The following MARCHF3 variants were observed in gnomAD, a reference collection of about 807,000 sequenced individuals.
MARCHF3 encodes the protein E3 ubiquitin-protein ligase MARCHF3.
MARCHF3 carries 13 observed loss-of-function variants against 24.2 expected under a neutral mutation model. That is an observed-to-expected ratio of 0.54 (90% CI 0.35 to 0.85). The LOEUF is 0.85. Ranked by LOEUF, MARCHF3 falls within the 40% of genes least tolerant of loss-of-function variation. The pLI is 0.01. For missense variants in MARCHF3, 276 were observed against 325.0 expected (o/e 0.85, Z 1.16); for synonymous variants, 144 against 137.3 (o/e 1.05, Z -0.34).
At chr5:126,933,417 T>C (rs1335453653) in intron 1 of MARCHF3, among the ~76,000 whole-genome samples, 1 of 152,006 alleles carries the variant, frequency 6.6e-6, no homozygotes, top group Non-Finnish European at 1.5e-5. Context: ...AATTTTCCGC[T>C]GTATGCCTGT....
chr5:126,926,111 T>G (rs1216034776), intron 1 of MARCHF3, among the ~76,000 whole-genome samples: 1 of 152,252 alleles, frequency 6.6e-6, no homozygotes. Context: ...TTCCAAGTTG[T>G]ACCTCACTTT....
At chr5:126,924,860 TG>T (rs1231993537) in intron 1 of MARCHF3, among the ~76,000 whole-genome samples, 2 of 152,218 alleles carry the variant, frequency 1.3e-5, no homozygotes, top group African/African-American at 4.8e-5. Flanking sequence ...TAAATAGCCG[TG>T]GCAGGGCTGT....
At chr5:126,941,365 C>A (rs1749820601) in intron 1 of MARCHF3, among the ~76,000 whole-genome samples, 1 of 151,590 alleles carries the variant, frequency 6.6e-6, no homozygotes. Flanking sequence ...ATTAGAAGTT[C>A]AAGCCTATTT....
intron 3 of MARCHF3, among the ~76,000 whole-genome samples, chr5:126,908,399 A>C (rs1321088535): frequency 6.6e-6 from 1 of 152,136 alleles, no homozygotes; most frequent in East Asian, 1.9e-4. Context: ...TCTCCTGGAT[A>C]ATATCCTGCA....
At chr5:126,973,879 A>ATTTTTTTTTTTTTTT (rs10585434) in intron 1 of MARCHF3, among the ~76,000 whole-genome samples, 3 of 82,974 alleles carry the variant, frequency 3.6e-5, no homozygotes, top group African/African-American at 4.9e-5. Flanking sequence ...AGCAAAATCT[A>ATTTTTTTTTTTTTTT]TTTTTTTTTT....
rs777979337 is a variant in MARCHF3, at chr5:126,918,027, C to T, written c.145G>A (p.Gly49Arg). 23 of 1,613,962 alleles carry T rather than the reference C, an allele frequency of 1.4e-5. No homozygotes were observed. The highest frequency in any genetic ancestry group is 2.7e-5 in the African/African-American group (2 of 74,884). The stretch of plus-strand genomic sequence containing the variant: ...CGCACTACTGTTGACAGCAGCTGCC[C>T]GTCCTTGGCTGAAACTTGCATGACA... Reference protein sequence around the residue: ...QYVMQVSAKDGQLLSTVVRTL... With the variant: ...QYVMQVSAKDRQLLSTVVRTL... The change falls in exon 2 of 5, where the codon GGG becomes AGG. Residue 49 changes from glycine (G) to arginine (R), a missense_variant. Physicochemically the swap from Gly to Arg is moderately radical, Grantham distance 125. Coordinates refer to ENST00000308660, the MANE Select transcript of MARCHF3 (RefSeq NM_178450.5).
At chr5:126,909,592 G>C (rs1013181228) in intron 3 of MARCHF3, among the ~76,000 whole-genome samples, 1 of 152,146 alleles carries the variant, frequency 6.6e-6, no homozygotes, top group African/African-American at 2.4e-5. Context: ...TCCAGGTGTC[G>C]TCTGTCACCA....
At chr5:126,898,964 T>C in intron 3 of MARCHF3, 1 of 985,160 alleles carries the variant, frequency 1.0e-6, no homozygotes, top group Non-Finnish European at 1.2e-6. Context: ...CTTTTTTTTT[T>C]AGTATCCAAA....
intron 4 of MARCHF3, among the ~76,000 whole-genome samples, chr5:126,874,750 A>C (rs544489352): frequency 6.6e-6 from 1 of 152,088 alleles, no homozygotes; most frequent in African/African-American, 2.4e-5. Flanking sequence ...TCTATCTCTG[A>C]CTGCACTGGG....
rs182080149 is a variant in MARCHF3 at position 126,946,596 on chromosome 5, C to T, written c.-56-28369G>A. On this transcript the variant is annotated intron_variant, in intron 1 of 4. Transcript: ENST00000308660. Reference sequence around the variant, plus strand: ...AGAAGGGGTCCTACCCCACCAGGAACTGGGAATGTCTCAGGCAGTTAGTCC... The same window carrying T: ...AGAAGGGGTCCTACCCCACCAGGAATTGGGAATGTCTCAGGCAGTTAGTCC... Among the ~76,000 whole-genome samples, 242 of 152,142 alleles carry T rather than the reference C, an allele frequency of 1.6e-3. 1 individual carries two copies. Among genetic ancestry groups the T allele is most frequent in the Middle Eastern group, 0.014 (4 of 294 alleles).
intron 1 of MARCHF3, among the ~76,000 whole-genome samples, chr5:127,023,662 T>C (rs111834274): frequency 0.063 from 9,489 of 151,274 alleles, 583 homozygotes; most frequent in African/African-American, 0.15. Flanking sequence ...AACCAGGAGG[T>C]GGAGGTTGCA....
At chr5:127,004,397 T>C (rs545672579) in intron 1 of MARCHF3, among the ~76,000 whole-genome samples, 4 of 152,320 alleles carry the variant, frequency 2.6e-5, no homozygotes, top group African/African-American at 9.6e-5. Flanking sequence ...CCGTATCACC[T>C]TCAGGAATAT....
chr5:127,002,717 C>A (rs1234660326), intron 1 of MARCHF3, among the ~76,000 whole-genome samples: 1 of 152,218 alleles, frequency 6.6e-6, no homozygotes, highest in Non-Finnish European at 1.5e-5. Flanking sequence ...TCTGGTGAAA[C>A]AATATCACTG....
intron 1 of MARCHF3, among the ~76,000 whole-genome samples, chr5:127,001,169 T>C (rs1442340003): frequency 2.0e-5 from 3 of 151,216 alleles, no homozygotes; most frequent in Non-Finnish European, 4.4e-5. Flanking sequence ...ACCTGGGAGA[T>C]GGAGGTTGCA....
In MARCHF3 at chr5:126,869,936, C is replaced by A. The variant is rs999624317; in HGVS notation, c.*697G>T. 6.6e-6 allele frequency: 1 copy of A among 152,420 alleles called. No individual in the cohort carries two copies. The highest frequency in any genetic ancestry group is 1.5e-5 in the Non-Finnish European group (1 of 68,006). The allele number at this position is 152,420 out of a possible 1,614,324, so 9.4% of individuals were successfully genotyped here. The stretch of plus-strand genomic sequence containing the variant: ...TCAGTACCAAACAAGTTGAAAGGAG[C>A]GAGCTTCTCACCATATTTTTTTTTC... On this transcript the variant is annotated 3_prime_UTR_variant, in exon 5 of 5. Transcript: ENST00000308660.
intron 3 of MARCHF3, among the ~76,000 whole-genome samples, chr5:126,907,724 G>A (rs1401508727): frequency 3.4e-5 from 5 of 146,714 alleles, no homozygotes; most frequent in Admixed American, 2.0e-4. Context: ...CTCTGCACGT[G>A]AGATGGGTTT....
At chr5:126,989,965 A>T (rs1751696529) in intron 1 of MARCHF3, among the ~76,000 whole-genome samples, 1 of 152,130 alleles carries the variant, frequency 6.6e-6, no homozygotes, top group South Asian at 2.1e-4. Context: ...CTCTACTAAA[A>T]ATACAAAAAT....
intron 3 of MARCHF3, among the ~76,000 whole-genome samples, chr5:126,902,299 T>C (rs1754133394): frequency 6.6e-6 from 1 of 152,154 alleles, no homozygotes; most frequent in African/African-American, 2.4e-5. Context: ...TGTCCTCTTC[T>C]GTATTTTTAA....
At chr5:127,015,262 A>G (rs1186671261) in intron 1 of MARCHF3, among the ~76,000 whole-genome samples, 1 of 152,218 alleles carries the variant, frequency 6.6e-6, no homozygotes, top group Non-Finnish European at 1.5e-5. Context: ...TTTTCTGTAG[A>G]GGGAACACCA....
Sources: allele counts gnomAD v4.1 joint callset (sites outside exome capture counted in the v4.1 genomes callset), GRCh38; gene constraint gnomAD v4.1.1; transcripts MANE v1.5; gene names NCBI Gene and HGNC (gene_info 2026-07-23, HGNC 2026-07-21).